The following OLAH variants were observed in gnomAD, a reference collection of about 807,000 sequenced individuals.
OLAH encodes the protein oleoyl-ACP hydrolase, also known as S-acyl fatty acid synthase thioesterase, medium chain.
In OLAH, 33 loss-of-function variants were observed where a neutral mutation model predicts 27.8. The observed-to-expected ratio is 1.19, with a 90% CI of 0.90 to 1.59. The LOEUF (loss-of-function observed/expected upper bound fraction) is 1.59, where lower values mean the gene tolerates loss of function less well. Ranked by LOEUF, OLAH falls within the 40% of genes most tolerant of loss-of-function variation. The pLI, the probability that OLAH is intolerant of heterozygous loss-of-function variation, is 0.00. For synonymous variants in OLAH, 120 were observed against 102.9 expected, an observed-to-expected ratio of 1.17 and a Z score of -1.01; for missense variants, 359 against 310.8, an observed-to-expected ratio of 1.16 and a Z score of -1.17.
chr10:15,032,636 A>AG (rs1397093337), intron 1 of OLAH, among the ~76,000 whole-genome samples: 8 of 151,764 alleles, frequency 5.3e-5, no homozygotes, highest in African/African-American at 1.4e-4. Context: ...AAAAAAAAAA[A>AG]AAAGAAAAAC....
chr10:15,063,964 T>G (rs2131371342), intron 4 of OLAH, among the ~76,000 whole-genome samples: 1 of 152,302 alleles, frequency 6.6e-6, no homozygotes, highest in Non-Finnish European at 1.5e-5. Flanking sequence ...TCTGGAAAAC[T>G]CCACTGTGTA....
Position 15,047,296 on chromosome 10 carries a change from G to C in OLAH, c.8G>C (p.Arg3Thr). 6.2e-7 allele frequency: 1 copy of C among 1,613,430 alleles called. No individual in the cohort carries two copies. Among genetic ancestry groups the C allele is most frequent in the East Asian group, 2.2e-5 (1 of 44,846 alleles). Residue 3 changes from arginine to threonine, a missense_variant, in exon 2 of 8, where the codon AGA becomes ACA. Arg to Thr is a moderately conservative substitution (Grantham distance 71). Coordinates refer to ENST00000378228, the MANE Select transcript of OLAH (RefSeq NM_001039702.3). ME[R>T]GDQPKRTRNE... The stretch of plus-strand genomic sequence containing the variant: ...GCAACCTCACCTCACAGCATGGAGA[G>C]AGGAGACCAACCTAAGAGAACCAGG...
chr10:15,073,031 G>A (rs1844622166), intron 7 of OLAH, 56 bp from the exon 8 acceptor site: 1 of 1,539,498 alleles, frequency 6.5e-7, no homozygotes, highest in Non-Finnish European at 8.9e-7. Context: ...ATGTCTTGAT[G>A]TGAATCTTTA....
chr10:15,057,912 C>T (rs1589246838), intron 3 of OLAH, among the ~76,000 whole-genome samples: 1 of 152,330 alleles, frequency 6.6e-6, no homozygotes, highest in East Asian at 1.9e-4. Context: ...ATCTTGATTA[C>T]TGTGGCCTTA....
rs1478833469 is a variant in OLAH, at chr10:15,073,131, C to T, written c.700C>T (p.Pro234Ser). The change falls in exon 8 of 8, where the codon CCA (proline) becomes TCA (serine). Residue 234 changes from proline (P) to serine (S), a missense_variant. Pro to Ser is a moderately conservative substitution (Grantham distance 74). Transcript: ENST00000378228. ...TGGAAATGCTAAAATTTACCAGCTT[C>T]CAGGGGGTCACTTTTATCTTCTGGA... ...TSGNAKIYQL[P>S]GGHFYLLDPA... 1 of 1,613,196 alleles carries T rather than the reference C, an allele frequency of 6.2e-7. No homozygotes were observed. The highest frequency in any genetic ancestry group is 2.2e-5 in the East Asian group (1 of 44,852).
At chr10:15,038,480 A>T (rs1241860307) in intron 1 of OLAH, 2 of 152,162 alleles carry the variant, frequency 1.3e-5, no homozygotes, top group African/African-American at 4.8e-5. Context: ...CGAGAAACCC[A>T]GTGAGAGGTG....
chr10:15,071,619 G>T (rs1844588075), intron 6 of OLAH, 176 bp from the exon 7 acceptor site: 5 of 984,066 alleles, frequency 5.1e-6, no homozygotes, highest in Non-Finnish European at 6.0e-6. Context: ...TCTCCACACT[G>T]AGTCTCAGGC....
At chr10:15,072,954 C>A in intron 7 of OLAH, 133 bp from the exon 8 acceptor site, 1 of 795,256 alleles carries the variant, frequency 1.3e-6, no homozygotes. Context: ...AATGCTCCTG[C>A]TTCATCACCT....
At chr10:15,072,238 T>TA (rs113605979) in intron 7 of OLAH, among the ~76,000 whole-genome samples, 1 of 151,342 alleles carries the variant, frequency 6.6e-6, no homozygotes, top group Non-Finnish European at 1.5e-5. Context: ...GGCCAGCTTT[T>TA]AAAATTTTTT....
At chr10:15,052,222 G>T (rs1376256719) in intron 3 of OLAH, among the ~76,000 whole-genome samples, 1 of 152,172 alleles carries the variant, frequency 6.6e-6, no homozygotes, top group East Asian at 1.9e-4. Flanking sequence ...GGCGGAGATT[G>T]CTGCGAGCCG....
chr10:15,059,760 G>A (rs76574379), intron 3 of OLAH, among the ~76,000 whole-genome samples: 3,378 of 152,140 alleles, frequency 0.022, 119 homozygotes, highest in African/African-American at 0.076. Context: ...GAGCCAAGAT[G>A]GCACCACTAC....
At chr10:15,066,110 G>A (rs1844461724) in intron 6 of OLAH, among the ~76,000 whole-genome samples, 2 of 152,002 alleles carry the variant, frequency 1.3e-5, no homozygotes, top group South Asian at 2.1e-4. Context: ...ATGTGATGGT[G>A]CACACCTGTA....
chr10:15,036,587 C>T (rs1181571516), intron 1 of OLAH, among the ~76,000 whole-genome samples: 1 of 152,138 alleles, frequency 6.6e-6, no homozygotes, highest in African/African-American at 2.4e-5. Context: ...CTCCTGGGCT[C>T]AAGACATCCT....
intron 1 of OLAH, among the ~76,000 whole-genome samples, chr10:15,037,145 G>A (rs1843852769): frequency 6.7e-6 from 1 of 149,132 alleles, no homozygotes; most frequent in African/African-American, 2.5e-5. Context: ...AACTACAATT[G>A]CACATAACAT....
intron 1 of OLAH, among the ~76,000 whole-genome samples, chr10:15,046,508 C>T (rs1844020804): frequency 6.6e-6 from 1 of 151,738 alleles, no homozygotes; most frequent in African/African-American, 2.4e-5. Flanking sequence ...CACTCTGTCA[C>T]CCAGGCTGGA....
intron 3 of OLAH, chr10:15,056,860 A>G: frequency 6.6e-7 from 1 of 1,519,606 alleles, no homozygotes; most frequent in Non-Finnish European, 8.8e-7. Flanking sequence ...GCTGGTCTCA[A>G]ACTCCGGCGC....
rs1437305031 is a variant in OLAH at position 15,071,822 on chromosome 10, T to G, written c.600T>G (p.Leu200=). The G allele has an allele frequency of 6.2e-7, 1 of 1,613,754 alleles. No individual in the cohort carries two copies. Among genetic ancestry groups the G allele is most frequent in the Non-Finnish European group, 8.5e-7 (1 of 1,179,596 alleles). Residue 200 remains leucine, a synonymous_variant, in exon 7 of 8, where the codon CTT becomes CTG. Coordinates refer to ENST00000378228, the MANE Select transcript of OLAH (RefSeq NM_001039702.3). ...CTSNVPSKAV[L]SCDLTCFVGS... is the part of the protein sequence containing the mutation. ...CTAACGTACCATCTAAGGCTGTTCT[T>G]TCCTGTGACTTGACATGTTTTGTTG...
upstream of OLAH, among the ~76,000 whole-genome samples, chr10:15,043,477 C>CT (rs35687747): frequency 1.7e-3 from 222 of 133,506 alleles, no homozygotes; most frequent in Admixed American, 4.9e-3. Flanking sequence ...TTCTCTTCTT[C>CT]TTTTTTTTTT....
At position 15,061,782 on chromosome 10, in the gene OLAH, CA is replaced by C. The variant is rs1336233031; in HGVS notation, c.223del (p.Ile75SerfsTer4). ...GAGTTGAAGAACCTCTTGAAAATGA[CA>C]TCTCCCAGTTAGTTGATGAAGTTGT... is the stretch of plus-strand genomic sequence containing the variant. ...SRVEEPLEND[I>X]SQLVDEVVCA... On this transcript the variant is annotated frameshift_variant, in exon 4 of 8. Transcript: ENST00000378228. LOFTEE classifies it high-confidence loss of function. 7.4e-6 allele frequency: 12 copies of C among 1,613,714 alleles called. No individual in the cohort carries two copies. The highest frequency in any genetic ancestry group is 1.0e-5 in the Non-Finnish European group (12 of 1,179,870).
Sources: allele counts gnomAD v4.1 joint callset (sites outside exome capture counted in the v4.1 genomes callset), GRCh38; gene constraint gnomAD v4.1.1; transcripts MANE v1.5; gene names NCBI Gene and HGNC (gene_info 2026-07-23, HGNC 2026-07-21).